Variants in TRIP4 observed in about 807,000 individuals in gnomAD.
TRIP4 encodes thyroid hormone receptor interactor 4, also known as activating signal cointegrator 1.
A neutral mutation model predicts 81.8 loss-of-function variants in TRIP4; 54 were observed. That is an observed-to-expected ratio of 0.66 (90% CI 0.53 to 0.83). The LOEUF is 0.83. TRIP4 is among the 40% of genes least tolerant of loss of function. The probability of loss-of-function intolerance (pLI) is 0.00; values close to 1 mark genes in which losing one functional copy is unlikely to be tolerated. For missense variants in TRIP4, 662 were observed against 683.6 expected (o/e 0.97, Z 0.35); for synonymous variants, 270 against 242.8 (o/e 1.11, Z -1.04).
chr15:64,421,683 T>C (rs1185242566), intron 9 of TRIP4, among the ~76,000 whole-genome samples: 1 of 152,144 alleles, frequency 6.6e-6, no homozygotes, highest in Non-Finnish European at 1.5e-5. Flanking sequence ...ACGCAAATAG[T>C]TAACCACTGT....
intron 11 of TRIP4, among the ~76,000 whole-genome samples, chr15:64,427,022 T>A (rs1168263010): frequency 1.3e-5 from 2 of 151,684 alleles, no homozygotes; most frequent in South Asian, 2.1e-4. Context: ...AAAAAAAGAT[T>A]GAACTGATGT....
At chr15:64,406,046 G>A (rs1363883957) in intron 5 of TRIP4, among the ~76,000 whole-genome samples, 1 of 152,156 alleles carries the variant, frequency 6.6e-6, no homozygotes, top group Admixed American at 6.5e-5. Context: ...CACTGAGAAG[G>A]CATTTTTATG....
At chr15:64,394,196 T>G in intron 2 of TRIP4, 81 bp downstream of exon 2, 17 of 1,252,854 alleles carry the variant, frequency 1.4e-5, no homozygotes, top group Non-Finnish European at 1.7e-5. Flanking sequence ...TTTTTTTTTT[T>G]GCCATCTTGT....
chr15:64,441,777 AATATAT>A (rs375111673), intron 11 of TRIP4, among the ~76,000 whole-genome samples: 5 of 151,194 alleles, frequency 3.3e-5, no homozygotes, highest in Admixed American at 6.6e-5. Context: ...CGTCTCAAAA[AATATAT>A]ATATATAAAT....
chr15:64,413,277 C>G (rs1225862021), intron 7 of TRIP4, among the ~76,000 whole-genome samples: 1 of 151,528 alleles, frequency 6.6e-6, no homozygotes, highest in Non-Finnish European at 1.5e-5. Context: ...AACTCCTGGG[C>G]TCAAGTGATC....
chr15:64,432,974 G>A (rs1031102725), intron 11 of TRIP4, among the ~76,000 whole-genome samples: 24 of 151,900 alleles, frequency 1.6e-4, no homozygotes, highest in African/African-American at 5.1e-4. Context: ...TTATAAATCA[G>A]GCACTGTTCT....
At chr15:64,401,801 A>G (rs767598243) in intron 5 of TRIP4, among the ~76,000 whole-genome samples, 1 of 152,198 alleles carries the variant, frequency 6.6e-6, no homozygotes, top group Non-Finnish European at 1.5e-5. Context: ...GAAAATCACA[A>G]TTAGAACACT....
intron 11 of TRIP4, among the ~76,000 whole-genome samples, chr15:64,444,007 G>GTT (rs10685830): frequency 0.74 from 112,786 of 151,970 alleles, 45,388 homozygotes; most frequent in East Asian, 0.96. Context: ...CAATAAAGAA[G>GTT]TTTAACTATT....
chr15:64,394,047 T>A lies in TRIP4; in HGVS notation c.203T>A (p.Ile68Lys). 1 of 1,611,656 alleles carries A rather than the reference T, an allele frequency of 6.2e-7. No individual in the cohort carries two copies. The highest frequency in any genetic ancestry group is 8.5e-7 in the Non-Finnish European group (1 of 1,178,898). ...AAAGGTCAATTCATAGAAGAACTTA[T>A]AACCAAATGGCAAAAGAATGATCAG... ...GKKGQFIEEL[I>K]TKWQKNDQEL... Residue 68 changes from isoleucine (I) to lysine (K), a missense_variant, in exon 2 of 13, where the codon ATA becomes AAA. Transcript: ENST00000261884.
intron 11 of TRIP4, among the ~76,000 whole-genome samples, chr15:64,433,107 A>G (rs1892313716): frequency 6.6e-6 from 1 of 152,120 alleles, no homozygotes; most frequent in Non-Finnish European, 1.5e-5. Flanking sequence ...AACTGTCTTA[A>G]AAGAAGTAAA....
intron 11 of TRIP4, among the ~76,000 whole-genome samples, chr15:64,427,852 A>C (rs890804369): frequency 2.0e-5 from 3 of 152,184 alleles, no homozygotes; most frequent in African/African-American, 7.2e-5. Context: ...AGACCTAGGC[A>C]AAACCATAGA....
intron 9 of TRIP4, among the ~76,000 whole-genome samples, chr15:64,423,740 G>C (rs991611498): frequency 6.6e-6 from 1 of 152,142 alleles, no homozygotes; most frequent in Non-Finnish European, 1.5e-5. Context: ...ACCAAGACTG[G>C]TCAGGGTTCC....
chr15:64,402,190 T>C (rs1030396625), intron 5 of TRIP4, among the ~76,000 whole-genome samples: 3 of 152,062 alleles, frequency 2.0e-5, no homozygotes, highest in Admixed American at 6.6e-5. Context: ...ATGCCTTTTA[T>C]GCTTGAAACA....
intron 7 of TRIP4, among the ~76,000 whole-genome samples, chr15:64,412,136 T>G (rs1891780460): frequency 6.6e-6 from 1 of 152,216 alleles, no homozygotes; most frequent in African/African-American, 2.4e-5. Context: ...TTGCTTTAGT[T>G]GTATGTTAGT....
Position 64,398,939 on chromosome 15 carries a change from C to CT in TRIP4, c.618+1149dup, listed in dbSNP as rs71133424. 2.7e-3 allele frequency among the ~76,000 whole-genome samples: 215 copies of CT among 79,234 alleles called. 13 individuals are homozygous for CT. Among genetic ancestry groups the CT allele is most frequent in the African/African-American group, 0.01 (202 of 19,382 alleles). The allele number at this position is 79,234 out of a possible 152,430, so 52.0% of individuals were successfully genotyped here. A position where few individuals can be genotyped will look rare whatever the true frequency, so the allele number is the denominator to read the frequency against. ...GGGGCCCTTAATTTTTTCTTTTTTC[C>CT]TTTTTTTTTTTTTTTTTTTTTTTTT... is the stretch of plus-strand genomic sequence containing the variant. On this transcript the variant is annotated intron_variant, in intron 4 of 12. Coordinates refer to ENST00000261884, the MANE Select transcript of TRIP4 (RefSeq NM_016213.5).
intron 8 of TRIP4, among the ~76,000 whole-genome samples, chr15:64,418,301 G>A (rs1307857971): frequency 6.6e-6 from 1 of 152,110 alleles, no homozygotes. Flanking sequence ...TAGTAGAGAT[G>A]GGGTTTCACC....
intron 6 of TRIP4, among the ~76,000 whole-genome samples, chr15:64,407,373 A>G (rs189691927): frequency 2.6e-5 from 4 of 152,276 alleles, no homozygotes; most frequent in Non-Finnish European, 5.9e-5. Flanking sequence ...GTATTATTAG[A>G]AATAGAAATG....
intron 11 of TRIP4, among the ~76,000 whole-genome samples, chr15:64,431,933 G>T (rs1270036736): frequency 2.4e-5 from 3 of 124,956 alleles, no homozygotes; most frequent in African/African-American, 8.8e-5. Flanking sequence ...GTCCAGGGTG[G>T]TGGAGTGCAG....
At chr15:64,418,389 G>A in intron 8 of TRIP4, 152 bp from the exon 9 acceptor site, 1 of 839,410 alleles carries the variant, frequency 1.2e-6, no homozygotes, top group African/African-American at 1.7e-5. Context: ...TGGGATTACA[G>A]GCGTGAGCCA....
Sources: gnomAD v4.1 joint callset for allele counts (sites outside exome capture counted in the v4.1 genomes callset) on GRCh38, gnomAD v4.1.1 for gene constraint, MANE v1.5 for transcripts, NCBI Gene and HGNC (gene_info 2026-07-23, HGNC 2026-07-21) for gene names.